The following CATSPERB variants were observed in gnomAD, a reference collection of about 807,000 sequenced individuals.
The protein encoded by CATSPERB is catsper channel auxiliary subunit beta, also known as cation channel sperm-associated auxiliary subunit beta.
CATSPERB carries 93 observed loss-of-function variants against 128.3 expected under a neutral mutation model. That is an observed-to-expected ratio of 0.72 (90% CI 0.61 to 0.86). The LOEUF (loss-of-function observed/expected upper bound fraction) is 0.86, where lower values mean the gene tolerates loss of function less well. CATSPERB is among the 40% of genes least tolerant of loss of function. The probability of loss-of-function intolerance (pLI) is 0.00; values close to 1 mark genes in which losing one functional copy is unlikely to be tolerated. For synonymous variants in CATSPERB, 381 were observed against 448.8 expected, an observed-to-expected ratio of 0.85 and a Z score of 1.91; for missense variants, 1,153 against 1,329.5, an observed-to-expected ratio of 0.87 and a Z score of 2.06.
chr14:91,698,057 C>G, intron 7 of CATSPERB, among the ~76,000 whole-genome samples: 1 of 152,012 alleles, frequency 6.6e-6, no homozygotes, highest in African/African-American at 2.4e-5. Flanking sequence ...TTTATTTGAG[C>G]AGTGTTTTGT....
chr14:91,693,843 G>C (rs1895513242), intron 7 of CATSPERB, among the ~76,000 whole-genome samples: 1 of 151,982 alleles, frequency 6.6e-6, no homozygotes, highest in Non-Finnish European at 1.5e-5. Flanking sequence ...GAAGGCAATT[G>C]AGAATCAATA....
At chr14:91,668,111 A>G (rs1234434510) in intron 14 of CATSPERB, among the ~76,000 whole-genome samples, 1 of 152,208 alleles carries the variant, frequency 6.6e-6, no homozygotes, top group Non-Finnish European at 1.5e-5. Context: ...TCCAGCAGGA[A>G]GTAGCTAGAG....
intron 4 of CATSPERB, among the ~76,000 whole-genome samples, chr14:91,721,441 T>C (rs757126679): frequency 1.9e-4 from 29 of 152,160 alleles, no homozygotes; most frequent in Non-Finnish European, 2.4e-4. Flanking sequence ...AAGAATGTAT[T>C]CAAGGGACTA....
chr14:91,685,257 T>C (rs1595178388), intron 10 of CATSPERB, among the ~76,000 whole-genome samples: 2 of 152,208 alleles, frequency 1.3e-5, no homozygotes, highest in African/African-American at 4.8e-5. Context: ...ATCTACATTG[T>C]GCCATGTACT....
chr14:91,655,353 C>T (rs1305177799), intron 15 of CATSPERB, among the ~76,000 whole-genome samples: 1 of 152,146 alleles, frequency 6.6e-6, no homozygotes, highest in Non-Finnish European at 1.5e-5. Context: ...GCACCAGAGA[C>T]CGATCTTGGA....
intron 15 of CATSPERB, among the ~76,000 whole-genome samples, chr14:91,651,072 C>A (rs1178453078): frequency 6.6e-6 from 1 of 152,220 alleles, no homozygotes; most frequent in Non-Finnish European, 1.5e-5. Flanking sequence ...CACTCTCAGA[C>A]TTTCTCTTTC....
At chr14:91,655,843 G>C (rs1417048561) in intron 15 of CATSPERB, among the ~76,000 whole-genome samples, 1 of 152,016 alleles carries the variant, frequency 6.6e-6, no homozygotes, top group Non-Finnish European at 1.5e-5. Context: ...GCACAAGAAG[G>C]TAACAGAACA....
intron 22 of CATSPERB, among the ~76,000 whole-genome samples, chr14:91,596,783 C>A (rs1893513700): frequency 1.3e-5 from 2 of 152,080 alleles, no homozygotes; most frequent in South Asian, 4.1e-4. Flanking sequence ...TCATATTTGA[C>A]AATGCTTCCT....
intron 11 of CATSPERB, among the ~76,000 whole-genome samples, chr14:91,682,489 A>T (rs1159967308): frequency 6.6e-6 from 1 of 152,204 alleles, no homozygotes; most frequent in African/African-American, 2.4e-5. Flanking sequence ...ACTAGCAACT[A>T]TATGGCTGGG....
At chr14:91,721,077 T>G (rs556749697) in intron 4 of CATSPERB, among the ~76,000 whole-genome samples, 19 of 152,000 alleles carry the variant, frequency 1.3e-4, no homozygotes, top group Non-Finnish European at 2.4e-4. Flanking sequence ...AAAAATGAAC[T>G]CAAAATGGAT....
intron 14 of CATSPERB, among the ~76,000 whole-genome samples, chr14:91,661,022 G>A (rs1377569250): frequency 2.0e-5 from 3 of 152,128 alleles, no homozygotes; most frequent in Non-Finnish European, 4.4e-5. Context: ...GAAACATACT[G>A]AATACACATA....
At chr14:91,701,821 G>A (rs538130099) in intron 7 of CATSPERB, among the ~76,000 whole-genome samples, 1 of 151,716 alleles carries the variant, frequency 6.6e-6, no homozygotes, top group African/African-American at 2.4e-5. Context: ...TAAGGTAGGA[G>A]GATTGCTTGA....
chr14:91,714,484 T>C (rs1307080922), intron 5 of CATSPERB, among the ~76,000 whole-genome samples: 1 of 150,866 alleles, frequency 6.6e-6, no homozygotes. Context: ...CTTCTACATA[T>C]GAACAATGAA....
intron 6 of CATSPERB, among the ~76,000 whole-genome samples, chr14:91,707,911 T>C (rs558243326): frequency 6.6e-6 from 1 of 152,194 alleles, no homozygotes; most frequent in African/African-American, 2.4e-5. Context: ...CCAGCCTGTA[T>C]TTCCACATTT....
At chr14:91,668,008 G>A (rs911039574) in intron 14 of CATSPERB, among the ~76,000 whole-genome samples, 9 of 152,106 alleles carry the variant, frequency 5.9e-5, no homozygotes, top group African/African-American at 1.4e-4. Flanking sequence ...AACTTCTACC[G>A]AGGACACCTG....
chr14:91,665,012 C>T (rs1315217654), intron 14 of CATSPERB, among the ~76,000 whole-genome samples: 1 of 152,176 alleles, frequency 6.6e-6, no homozygotes, highest in African/African-American at 2.4e-5. Flanking sequence ...ACCTCAGCTT[C>T]CTGAGTAGCT....
At chr14:91,668,049 A>C (rs1041766132) in intron 14 of CATSPERB, among the ~76,000 whole-genome samples, 1 of 152,164 alleles carries the variant, frequency 6.6e-6, no homozygotes, top group African/African-American at 2.4e-5. Flanking sequence ...CGCTGGCCTA[A>C]AGAGTTCCCC....
intron 7 of CATSPERB, among the ~76,000 whole-genome samples, chr14:91,695,924 G>A (rs972739256): frequency 1.3e-5 from 2 of 152,182 alleles, no homozygotes; most frequent in Non-Finnish European, 2.9e-5. Flanking sequence ...AAGCAGTCAA[G>A]AATGTGTCCT....
At chr14:91,708,448 G>C (rs188025398) in intron 5 of CATSPERB, among the ~76,000 whole-genome samples, 1 of 152,124 alleles carries the variant, frequency 6.6e-6, no homozygotes, top group Non-Finnish European at 1.5e-5. Context: ...TACCACCATA[G>C]CAATGAATCT....
Sources: gnomAD v4.1 joint callset for allele counts (sites outside exome capture counted in the v4.1 genomes callset) on GRCh38, gnomAD v4.1.1 for gene constraint, MANE v1.5 for transcripts, NCBI Gene and HGNC (gene_info 2026-07-23, HGNC 2026-07-21) for gene names.